The following EXOC6 variants were observed in gnomAD, a reference collection of about 807,000 sequenced individuals.
The protein encoded by EXOC6 is exocyst complex component 6, also known as SEC15-like 1.
A neutral mutation model predicts 112.5 loss-of-function variants in EXOC6; 60 were observed. The observed-to-expected ratio is 0.53, with a 90% CI of 0.43 to 0.66. EXOC6 has a LOEUF of 0.66. Among genes scored for constraint, EXOC6 ranks in the 30% least tolerant of loss-of-function variants. The pLI, the probability that EXOC6 is intolerant of heterozygous loss-of-function variation, is 0.00. For missense variants in EXOC6, 855 were observed against 957.1 expected (o/e 0.89, Z 1.41); for synonymous variants, 295 against 308.0 (o/e 0.96, Z 0.44).
At position 92,840,380 on chromosome 10, in the gene EXOC6, T is replaced by C. The variant is rs559586695; in HGVS notation, c.86+5556T>C. 7.2e-5 allele frequency among the ~76,000 whole-genome samples: 11 copies of C among 152,276 alleles called. No individual in the cohort carries two copies. In the South Asian group the frequency reaches 2.1e-3, roughly 29 times the overall value. ...AGTTTCTGAAACTATAAAGTGGGGATTATGATAAAACCTATCTCAAATAAT... is the reference window on the plus strand; with the variant it reads ...AGTTTCTGAAACTATAAAGTGGGGACTATGATAAAACCTATCTCAAATAAT... On this transcript the variant is annotated intron_variant, in intron 1 of 21. Coordinates refer to the EXOC6 transcript ENST00000371552.
intron 1 of EXOC6, among the ~76,000 whole-genome samples, chr10:92,883,315 T>C (rs369620461): frequency 1.3e-5 from 2 of 152,220 alleles, no homozygotes; most frequent in East Asian, 1.9e-4. Context: ...ATTTCTATTG[T>C]TTCTTTGTGT....
chr10:93,018,241 T>C (rs1036305139), intron 20 of EXOC6, among the ~76,000 whole-genome samples: 4 of 152,006 alleles, frequency 2.6e-5, no homozygotes, highest in African/African-American at 7.2e-5. Context: ...CAGGGAAATA[T>C]GGATATTAGA....
At chr10:92,930,572 A>G (rs866172678) in intron 9 of EXOC6, among the ~76,000 whole-genome samples, 4 of 152,086 alleles carry the variant, frequency 2.6e-5, no homozygotes, top group Middle Eastern at 6.4e-3. Flanking sequence ...TCTGACTGCA[A>G]GAGAATTAAA....
At chr10:92,961,199 G>A (rs935925632) in intron 17 of EXOC6, among the ~76,000 whole-genome samples, 3 of 151,966 alleles carry the variant, frequency 2.0e-5, no homozygotes, top group African/African-American at 7.2e-5. Flanking sequence ...GCAAAATTAC[G>A]CCTTGACTGA....
At chr10:92,858,924 C>G (rs1847760344) in intron 1 of EXOC6, among the ~76,000 whole-genome samples, 1 of 152,104 alleles carries the variant, frequency 6.6e-6, no homozygotes, top group Non-Finnish European at 1.5e-5. Context: ...ACCGCCACAC[C>G]CGGCTAATTT....
At position 92,920,013 on chromosome 10, in the gene EXOC6, C is replaced by T. The variant is rs748821778; in HGVS notation, c.851C>T (p.Ser284Phe). 3 of 1,605,862 alleles carry T rather than the reference C, an allele frequency of 1.9e-6. No homozygotes were observed. The highest frequency in any genetic ancestry group is 1.7e-6 in the Non-Finnish European group (2 of 1,175,788). ...ILTVQDLVDF[S>F]PVYRCLHIYS... ...ACTGTTCAGGATCTTGTTGATTTTT[C>T]CCCTGTTTATCGATGTTTGCACATT... The change falls in exon 8 of 22, where the codon TCC (serine) becomes TTC (phenylalanine). Residue 284 changes from serine to phenylalanine, a missense_variant. Around this residue, in one of 2 missense-constraint regions of EXOC6, gnomAD observed 405 missense variants for 393.6 expected, o/e 1.03. Transcript: ENST00000260762.
chr10:92,873,234 C>T (rs1400183413), intron 1 of EXOC6, among the ~76,000 whole-genome samples: 1 of 152,088 alleles, frequency 6.6e-6, no homozygotes, highest in African/African-American at 2.4e-5. Flanking sequence ...TCTGTGCTGG[C>T]TGATTATGAA....
chr10:92,991,832 A>G (rs557020943), intron 18 of EXOC6, among the ~76,000 whole-genome samples: 2 of 152,190 alleles, frequency 1.3e-5, no homozygotes, highest in Admixed American at 6.5e-5. Flanking sequence ...TGGAAGGAGA[A>G]CAACCTGAGA....
intron 6 of EXOC6, among the ~76,000 whole-genome samples, chr10:92,913,458 T>C (rs577191000): frequency 6.6e-6 from 1 of 152,364 alleles, no homozygotes; most frequent in Admixed American, 6.5e-5. Flanking sequence ...TCCAAGTTCC[T>C]CAGTCTCATC....
chr10:92,948,334 A>C lies in EXOC6; in HGVS notation c.1371A>C (p.Lys457Asn). Residue 457 changes from lysine to asparagine, a missense_variant, in exon 14 of 22, where the codon AAA (lysine) becomes AAC (asparagine). Physicochemically the swap from Lys to Asn is moderately conservative, Grantham distance 94 (BLOSUM62 0). This residue lies in a region of EXOC6 where 450 missense variants were observed against 563.5 expected (regional missense o/e 0.80). Transcript: ENST00000260762. ...PIPVVNEEEY[K>N]IVISKFPFQD... ...CTGTTGTCAATGAAGAAGAATATAAAATTGTCATCAGCAAATTTCCCTTTC... is the reference window on the plus strand; with the variant it reads ...CTGTTGTCAATGAAGAAGAATATAACATTGTCATCAGCAAATTTCCCTTTC... 6.2e-7 allele frequency: 1 copy of C among 1,609,438 alleles called. No individual in the cohort carries two copies. Among genetic ancestry groups the C allele is most frequent in the Non-Finnish European group, 8.5e-7 (1 of 1,178,350 alleles).
intron 1 of EXOC6, among the ~76,000 whole-genome samples, chr10:92,875,589 A>C (rs1427635407): frequency 6.6e-6 from 1 of 152,202 alleles, no homozygotes; most frequent in Non-Finnish European, 1.5e-5. Context: ...AGACTTAGTA[A>C]ATCATTTTGG....
intron 15 of EXOC6, among the ~76,000 whole-genome samples, chr10:92,953,899 GTTTA>G (rs915154779): frequency 6.6e-6 from 1 of 151,970 alleles, no homozygotes; most frequent in African/African-American, 2.4e-5. Context: ...AATTAAATTT[GTTTA>G]TTATATCTAG....
At chr10:92,920,106 A>G (rs931538818) in intron 8 of EXOC6, 56 bp downstream of exon 8, 4 of 1,159,666 alleles carry the variant, frequency 3.4e-6, no homozygotes, top group Admixed American at 2.6e-5. Context: ...AAAGGCATGT[A>G]TGTATTTTAG....
Position 92,895,007 on chromosome 10 carries a change from G to C in EXOC6, c.399G>C (p.Gln133His). 7 of 1,603,906 alleles carry C rather than the reference G, an allele frequency of 4.4e-6. No individual in the cohort carries two copies. The highest frequency in any genetic ancestry group is 6.0e-6 in the Non-Finnish European group (7 of 1,171,032). The change falls in exon 4 of 22, where the codon CAG becomes CAC. Residue 133 changes from glutamine to histidine, a missense_variant. By Grantham distance (24) the Gln-to-His change is conservative. Coordinates refer to ENST00000260762, the MANE Select transcript of EXOC6 (RefSeq NM_019053.6). ...TTACAACTGTAGTAGAAAAATTGCA[G>C]TTATGCCTTCCTGGTGAGTTAAACT... ...RNITTVVEKL[Q>H]LCLPVLEMYS...
rs946144930 is a variant in EXOC6, at chr10:92,871,279, C to T, written c.102-22070C>T. ...CGGTGACTCATGCCTATAATCCCAG[C>T]GCTTTGGGAGGCTGAGGTGGGAGGA... On this transcript the variant is annotated intron_variant, in intron 1 of 21. Coordinates refer to ENST00000260762, the MANE Select transcript of EXOC6 (RefSeq NM_019053.6). Among the ~76,000 whole-genome samples the T allele has an allele frequency of 4.6e-5, 7 of 152,072 alleles. No individual in the cohort carries two copies. In the East Asian group the frequency reaches 5.8e-4, roughly 13 times the overall value.
chr10:92,840,985 A>G (rs911707333), intron 1 of EXOC6, among the ~76,000 whole-genome samples: 19 of 152,132 alleles, frequency 1.2e-4, no homozygotes, highest in Admixed American at 9.8e-4. Context: ...GTGACGTTTC[A>G]CTGTCTGTTT....
At chr10:92,960,733 G>A (rs1853945109) in intron 17 of EXOC6, among the ~76,000 whole-genome samples, 1 of 152,104 alleles carries the variant, frequency 6.6e-6, no homozygotes, top group African/African-American at 2.4e-5. Flanking sequence ...ACGGCACAGA[G>A]TAGTTTTGCC....
intron 5 of EXOC6, among the ~76,000 whole-genome samples, chr10:92,904,214 A>G (rs958693592): frequency 6.6e-6 from 1 of 152,064 alleles, no homozygotes; most frequent in Admixed American, 6.6e-5. Flanking sequence ...TTTGAAGGAC[A>G]TCTTGTTGCT....
At chr10:92,904,624 T>A (rs1850346976) in intron 5 of EXOC6, among the ~76,000 whole-genome samples, 1 of 152,122 alleles carries the variant, frequency 6.6e-6, no homozygotes, top group Non-Finnish European at 1.5e-5. Context: ...CTTTTTAATT[T>A]GGTGGCTTAT....
Sources: gnomAD v4.1 joint callset for allele counts (sites outside exome capture counted in the v4.1 genomes callset) on GRCh38, gnomAD v4.1.1 for gene constraint, gnomAD v4.1.1 regional missense constraint, MANE v1.5 for transcripts, NCBI Gene and HGNC (gene_info 2026-07-23, HGNC 2026-07-21) for gene names.